The following PBRM1 variants were observed in gnomAD, a reference collection of about 807,000 sequenced individuals.
PBRM1 encodes the protein polybromo 1, also known as protein polybromo-1.
PBRM1 carries 27 observed loss-of-function variants against 194.5 expected under a neutral mutation model. That is an observed-to-expected ratio of 0.14 (90% CI 0.10 to 0.19). The LOEUF is 0.19. Among genes scored for constraint, PBRM1 ranks in the 10% least tolerant of loss-of-function variants. PBRM1 has a pLI of 1.00. For missense variants in PBRM1, 1,466 were observed against 2,077.2 expected (o/e 0.71, Z 5.72); for synonymous variants, 655 against 693.2 (o/e 0.94, Z 0.87).
chr3:52,591,383 G>A (rs1009581887), intron 17 of PBRM1, among the ~76,000 whole-genome samples: 2 of 152,022 alleles, frequency 1.3e-5, no homozygotes, highest in African/African-American at 4.8e-5. Flanking sequence ...GCATGACGTT[G>A]GGTGGCTTTG....
intron 12 of PBRM1, 95 bp downstream of exon 13, chr3:52,628,798 TG>T (rs200170737): frequency 4.4e-5 from 47 of 1,077,150 alleles, no homozygotes; most frequent in Middle Eastern, 2.1e-4. Context: ...CTGCTGAGGG[TG>T]GGGGGGATCA....
At chr3:52,592,801 T>C (rs2093215546) in intron 17 of PBRM1, among the ~76,000 whole-genome samples, 1 of 152,196 alleles carries the variant, frequency 6.6e-6, no homozygotes, top group Non-Finnish European at 1.5e-5. Flanking sequence ...CTTTCTTGGT[T>C]GCTAGGCTAT....
chr3:52,594,137 C>G (rs2093356459), intron 17 of PBRM1, among the ~76,000 whole-genome samples: 1 of 152,184 alleles, frequency 6.6e-6, no homozygotes, highest in African/African-American at 2.4e-5. Flanking sequence ...CTGTCTTGGC[C>G]TCCCACAGTG....
At chr3:52,657,440 G>T (rs1040165424) in intron 5 of PBRM1, among the ~76,000 whole-genome samples, 1 of 152,078 alleles carries the variant, frequency 6.6e-6, no homozygotes, top group Non-Finnish European at 1.5e-5. Context: ...GCTGTGAGGA[G>T]GATCTCTTGG....
chr3:52,583,767 A>C (rs1268795124), intron 20 of PBRM1, among the ~76,000 whole-genome samples: 1 of 152,106 alleles, frequency 6.6e-6, no homozygotes, highest in Admixed American at 6.6e-5. Context: ...TTATTATTGA[A>C]AAAAAATTAT....
chr3:52,624,873 T>G (rs2095395909), intron 13 of PBRM1, 24 bp downstream of exon 15: 10 of 1,442,852 alleles, frequency 6.9e-6, no homozygotes, highest in African/African-American at 1.4e-5. Context: ...AAAGAATGTT[T>G]ATGCATAAAA....
intron 15 of PBRM1, among the ~76,000 whole-genome samples, chr3:52,611,484 A>G (rs1295780282): frequency 1.3e-5 from 2 of 152,200 alleles, no homozygotes; most frequent in Non-Finnish European, 2.9e-5. Context: ...TATAGGAAAT[A>G]CAAAGGACAG....
chr3:52,576,761 A>G (rs1374729798), intron 21 of PBRM1, 63 bp from the exon 24 acceptor site: 2 of 1,329,450 alleles, frequency 1.5e-6, no homozygotes, highest in East Asian at 4.8e-5. Context: ...TTAATCTAAC[A>G]AAAATCGCAT....
chr3:52,566,603 C>G (rs1251721314), intron 22 of PBRM1, among the ~76,000 whole-genome samples: 4 of 151,986 alleles, frequency 2.6e-5, no homozygotes, highest in Non-Finnish European at 5.9e-5. Flanking sequence ...GTATATAGAA[C>G]AGGCAAAATT....
exon 2 of PBRM1, chr3:52,678,540 T>C (rs368888772): frequency 2.1e-5 from 34 of 1,613,708 alleles, no homozygotes; most frequent in Non-Finnish European, 2.6e-5. Flanking sequence ...CAGAGAAGTC[T>C]GCCCTGTTCA....
rs776925045 is a variant in PBRM1 at position 52,615,473 on chromosome 3, T to A, written c.1819-17A>T. The A allele has an allele frequency of 7.3e-7, 1 of 1,370,582 alleles. No homozygotes were observed. The highest frequency in any genetic ancestry group is 1.2e-5 in the South Asian group (1 of 84,686). The allele number at this position is 1,370,582 out of a possible 1,614,324, so 84.9% of individuals were successfully genotyped here. A position where few individuals can be genotyped will look rare whatever the true frequency, so the allele number is the denominator to read the frequency against. On this transcript the variant is annotated splice_polypyrimidine_tract_variant and intron_variant, in intron 14 of 29. Transcript: ENST00000296302. ...ATTATAAACCTACATTCCAAAAATA[T>A]ACTTCAATTATTTTCTAAAAACTTT...
At position 52,592,197 on chromosome 3, in the gene PBRM1, G is replaced by A. The variant is rs192583628; in HGVS notation, c.2780-2942C>T. Among the ~76,000 whole-genome samples the A allele has an allele frequency of 5.2e-3, 775 of 149,912 alleles. 5 individuals are homozygous for A. The highest frequency in any genetic ancestry group is 7.5e-3 in the Non-Finnish European group (506 of 67,678). The stretch of plus-strand genomic sequence containing the variant: ...CGCCCAGGCTGGAGTGCAGTGGTGC[G>A]ATCTTGGCTCACTGCAGTCTGCCTC... On this transcript the variant is annotated intron_variant, in intron 17 of 29. Coordinates refer to ENST00000296302, the Ensembl canonical transcript of PBRM1.
intron 16 of PBRM1, among the ~76,000 whole-genome samples, chr3:52,604,914 G>A (rs757964360): frequency 8.6e-5 from 13 of 151,414 alleles, no homozygotes; most frequent in South Asian, 2.1e-4. Context: ...AGATCGCGCC[G>A]CTGCACTCTA....
intron 24 of PBRM1, among the ~76,000 whole-genome samples, chr3:52,562,788 G>A (rs113585921): frequency 6.6e-6 from 1 of 152,136 alleles, no homozygotes; most frequent in African/African-American, 2.4e-5. Context: ...TGATCCTCCT[G>A]CCTTGGCCTC....
At chr3:52,574,250 C>T (rs1322708680) in intron 22 of PBRM1, among the ~76,000 whole-genome samples, 1 of 152,176 alleles carries the variant, frequency 6.6e-6, no homozygotes, top group Admixed American at 6.5e-5. Flanking sequence ...GTGTAAGAGA[C>T]AGCAAACCCA....
chr3:52,651,924 GAT>G, intron 5 of PBRM1, 114 bp from the exon 7 acceptor site: 2 of 658,328 alleles, frequency 3.0e-6, no homozygotes, highest in Non-Finnish European at 2.7e-6. Context: ...AGCTTTGTGA[GAT>G]TCAAGACTAA....
intron 3 of PBRM1, among the ~76,000 whole-genome samples, chr3:52,666,819 G>C (rs2096846851): frequency 6.9e-6 from 1 of 145,638 alleles, no homozygotes; most frequent in Admixed American, 6.9e-5. Context: ...TTGAGCCCAG[G>C]AGACAAGGGC....
In PBRM1 at chr3:52,587,995, G is replaced by A. The variant is rs189003876; in HGVS notation, c.2966-485C>T. Among the ~76,000 whole-genome samples the A allele has an allele frequency of 2.0e-5, 3 of 151,420 alleles. No individual in the cohort carries two copies. The East Asian group carries it at 5.9e-4, about 30-fold the overall frequency. ...ACAGCAAGTGCAATCACACCCTGCT[G>A]ATTTTCTTATTTTTTCTAGAGAAGG... is the stretch of plus-strand genomic sequence containing the variant. On this transcript the variant is annotated intron_variant, in intron 18 of 29. Transcript: ENST00000296302.
At chr3:52,560,343 G>A (rs1447432681) in intron 25 of PBRM1, among the ~76,000 whole-genome samples, 1 of 152,190 alleles carries the variant, frequency 6.6e-6, no homozygotes, top group East Asian at 1.9e-4. Context: ...CAGCTCAGTG[G>A]TGTAGTAGGT....
Sources: allele counts gnomAD v4.1 joint callset (sites outside exome capture counted in the v4.1 genomes callset), GRCh38; gene constraint gnomAD v4.1.1; transcripts MANE v1.5; gene names NCBI Gene and HGNC (gene_info 2026-07-23, HGNC 2026-07-21).